MEG3: variants seen among roughly 807,000 people sequenced by gnomAD.
The protein encoded by MEG3 is Very putative protein from MEG3 locus.
exon 1 of MEG3, chr14:100,834,433 CAA>C: frequency 3.6e-6 from 1 of 277,036 alleles, no homozygotes; most frequent in South Asian, 3.8e-5. Flanking sequence ...TAAAAACTTT[CAA>C]AAGTTAACTC....
intron 2 of MEG3, among the ~76,000 whole-genome samples, chr14:100,840,560 G>A (rs987567330): frequency 2.6e-5 from 4 of 152,188 alleles, no homozygotes; most frequent in African/African-American, 9.7e-5. Flanking sequence ...GTGTGTGTGT[G>A]TTCCCTCCCA....
intron 1 of MEG3, chr14:100,827,535 A>G (rs1477914148): frequency 2.6e-5 from 4 of 152,186 alleles, no homozygotes; most frequent in East Asian, 1.9e-4. Context: ...GAGGCACGTT[A>G]GTTGATTTCC....
intron 2 of MEG3, among the ~76,000 whole-genome samples, chr14:100,838,463 A>G (rs934676630): frequency 6.6e-6 from 1 of 152,216 alleles, no homozygotes. Context: ...CTTGCTGGTG[A>G]TCTTCTCGGG....
At chr14:100,858,723 C>T (rs2038315189) in exon 1 of MEG3, 2 of 153,124 alleles carry the variant, frequency 1.3e-5, no homozygotes, top group African/African-American at 2.4e-5. Context: ...TTCTCTCCTC[C>T]CCTGGGCTTT....
chr14:100,850,624 GA>G (rs1314620692), intron 3 of MEG3: 10 of 145,694 alleles, frequency 6.9e-5, no homozygotes, highest in Non-Finnish European at 1.5e-4. Context: ...AAAAAAAAAA[GA>G]AGGAGAAAGA....
At chr14:100,855,825 G>A (rs1411663828), upstream of MEG3, 2 of 152,238 alleles carry the variant, frequency 1.3e-5, no homozygotes, top group East Asian at 3.8e-4. Context: ...AGTCAGGTCA[G>A]GCTTGTAGAT....
At chr14:100,849,331 A>C (rs4906023) in intron 3 of MEG3, 1 of 151,982 alleles carries the variant, frequency 6.6e-6, no homozygotes, top group African/African-American at 2.4e-5. Flanking sequence ...AGAAGGCTCC[A>C]GGAACCGCAG....
chr14:100,833,986 A>AGGAAGAATGT (rs1316973853), downstream of MEG3: 1 of 152,180 alleles, frequency 6.6e-6, no homozygotes, highest in East Asian at 1.9e-4. Flanking sequence ...GCACCCCACG[A>AGGAAGAATGT]GGAAGAATGT....
chr14:100,836,248 C>T (rs1216322577), exon 2 of MEG3: 1 of 456,678 alleles, frequency 2.2e-6, no homozygotes. Flanking sequence ...GGCCCACCAT[C>T]CCGGACCCAA....
At chr14:100,827,712 G>A (rs2037281491) in intron 1 of MEG3, among the ~76,000 whole-genome samples, 1 of 152,212 alleles carries the variant, frequency 6.6e-6, no homozygotes, top group Non-Finnish European at 1.5e-5. Flanking sequence ...ATGCCTGGGG[G>A]CGAAGGCGGG....
chr14:100,853,659 C>G (rs2038156060), upstream of MEG3: 1 of 152,004 alleles, frequency 6.6e-6, no homozygotes, highest in African/African-American at 2.4e-5. Flanking sequence ...TCTTCATAAC[C>G]TCACTTGCTG....
chr14:100,838,407 C>T (rs977029346), intron 2 of MEG3, among the ~76,000 whole-genome samples: 1 of 152,186 alleles, frequency 6.6e-6, no homozygotes, highest in Non-Finnish European at 1.5e-5. Context: ...GTAAAATATG[C>T]CACGTTCTCA....
downstream of MEG3, chr14:100,829,479 C>T (rs371400266): frequency 6.6e-6 from 1 of 152,378 alleles, no homozygotes; most frequent in East Asian, 1.9e-4. Flanking sequence ...TACTGAATCA[C>T]CAAAGGCACG....
intron 3 of MEG3, chr14:100,849,794 G>C (rs2038015581): frequency 6.6e-6 from 1 of 152,108 alleles, no homozygotes; most frequent in Non-Finnish European, 1.5e-5. Context: ...TGTGAAAAAG[G>C]AAAAAGGAAA....
exon 1 of MEG3, chr14:100,859,002 G>A (rs561606345): frequency 6.6e-6 from 1 of 152,480 alleles, no homozygotes; most frequent in South Asian, 2.1e-4. Flanking sequence ...CTGGGTCCTG[G>A]TCTCCTGAGG....
At chr14:100,836,293 G>C in exon 2 of MEG3, 1 of 456,548 alleles carries the variant, frequency 2.2e-6, no homozygotes, top group Non-Finnish European at 4.4e-6. Flanking sequence ...TCTCCTTCCT[G>C]GTTTGGGGTG....
chr14:100,850,804 G>T (rs2038050682), intron 3 of MEG3: 1 of 152,218 alleles, frequency 6.6e-6, no homozygotes, highest in Non-Finnish European at 1.5e-5. Flanking sequence ...TGTTACTGAA[G>T]TCCATAAACA....
At chr14:100,836,112 G>A (rs2139956550) in intron 1 of MEG3, 3 of 414,534 alleles carry the variant, frequency 7.2e-6, no homozygotes, top group Middle Eastern at 3.6e-4. Flanking sequence ...CGGTGTGTTT[G>A]GCTTTTCCGG....
chr14:100,849,114 T>C (rs2037997029), intron 3 of MEG3: 1 of 152,148 alleles, frequency 6.6e-6, no homozygotes, highest in Non-Finnish European at 1.5e-5. Context: ...ACAGGATGTA[T>C]ATAAGCAATA....
Sources: allele counts gnomAD v4.1 joint callset (sites outside exome capture counted in the v4.1 genomes callset), GRCh38; gene constraint gnomAD v4.1.1; transcripts MANE v1.5; gene names NCBI Gene and HGNC (gene_info 2026-07-23, HGNC 2026-07-21).